Variants in UGT2B7 observed in about 807,000 individuals in gnomAD.
UGT2B7 encodes UDP-glucuronosyltransferase 2B7.
Under a neutral mutation model 51.9 loss-of-function variants are expected in UGT2B7, and 51 were observed. The ratio of observed to expected loss-of-function variants is 0.98; its 90% CI spans 0.78 to 1.24. The LOEUF is 1.24. Among genes scored for constraint, UGT2B7 ranks in the 50% most tolerant of loss-of-function variants. The pLI is 0.00. For synonymous variants in UGT2B7, 225 were observed against 211.6 expected, an observed-to-expected ratio of 1.06 and a Z score of -0.55; for missense variants, 727 against 628.4, an observed-to-expected ratio of 1.16 and a Z score of -1.68.
At chr4:69,055,131 G>C (rs1317484005) in intron 1 of UGT2B7, among the ~76,000 whole-genome samples, 1 of 95,034 alleles carries the variant, frequency 1.1e-5, no homozygotes. Flanking sequence ...AAAAAAGAAA[G>C]GTCCCCAAAA....
intron 4 of UGT2B7, among the ~76,000 whole-genome samples, chr4:69,107,507 A>G (rs1305771322): frequency 6.6e-6 from 1 of 152,170 alleles, no homozygotes; most frequent in Admixed American, 6.6e-5. Context: ...TATATCTCAC[A>G]AAATTTTTCA....
At chr4:69,087,511 T>C (rs919281833) in intron 1 of UGT2B7, among the ~76,000 whole-genome samples, 2 of 152,052 alleles carry the variant, frequency 1.3e-5, no homozygotes, top group Non-Finnish European at 2.9e-5. Context: ...TTTGTCTTTA[T>C]AATTGGTTTT....
chr4:69,058,817 A>G (rs1718276097), intron 1 of UGT2B7, among the ~76,000 whole-genome samples: 1 of 152,182 alleles, frequency 6.6e-6, no homozygotes, highest in Non-Finnish European at 1.5e-5. Context: ...GGCTGGCAGC[A>G]GCTCTCACAG....
chr4:69,061,356 G>T (rs1401314077), intron 1 of UGT2B7, among the ~76,000 whole-genome samples: 1 of 152,214 alleles, frequency 6.6e-6, no homozygotes, highest in Non-Finnish European at 1.5e-5. Context: ...TAGCAGTAAT[G>T]CACTGTAGGC....
chr4:69,095,151 C>T (rs1343469385), upstream of UGT2B7, among the ~76,000 whole-genome samples: 1 of 152,144 alleles, frequency 6.6e-6, no homozygotes, highest in South Asian at 2.1e-4. Context: ...TACACTGAGA[C>T]GTCAGATTTG....
intron 1 of UGT2B7, among the ~76,000 whole-genome samples, chr4:69,070,878 G>A (rs1196411616): frequency 1.3e-5 from 2 of 152,060 alleles, no homozygotes; most frequent in Admixed American, 6.6e-5. Context: ...AGTTCTTCAT[G>A]TTAAATAGAT....
intron 1 of UGT2B7, among the ~76,000 whole-genome samples, chr4:69,059,643 A>ACTGAGAGCAAC (rs149855137): frequency 9.9e-5 from 15 of 151,618 alleles, no homozygotes; most frequent in Admixed American, 1.3e-4. Flanking sequence ...TAGAGTTAAA[A>ACTGAGAGCAAC]TCCAGTTCAG....
chr4:69,109,608 T>C (rs1478291552), intron 5 of UGT2B7, among the ~76,000 whole-genome samples: 1 of 152,298 alleles, frequency 6.6e-6, no homozygotes, highest in Non-Finnish European at 1.5e-5. Flanking sequence ...GTTTAAGAAC[T>C]ATTTATATAT....
At chr4:69,086,673 T>C (rs1435306780) in intron 1 of UGT2B7, among the ~76,000 whole-genome samples, 1 of 151,954 alleles carries the variant, frequency 6.6e-6, no homozygotes. Context: ...TATGACCATA[T>C]ATATTTACAA....
In UGT2B7 at chr4:69,085,991, T is replaced by A. The variant is rs555358664; in HGVS notation, c.-158-3481T>A. ...TTGTCTTGTTGATTTTTAAATATTT[T>A]AAAAATCTCTATTTTTTCTCTATAA... On this transcript the variant is annotated intron_variant, in intron 1 of 5. Transcript: ENST00000502942. Among the ~76,000 whole-genome samples, 52 of 151,860 alleles carry A rather than the reference T, an allele frequency of 3.4e-4. No individual in the cohort carries two copies. The Middle Eastern group carries it at 0.01, about 30-fold the overall frequency.
chr4:69,107,405 G>A, intron 4 of UGT2B7, 143 bp downstream of exon 4: 1 of 966,832 alleles, frequency 1.0e-6, no homozygotes, highest in Non-Finnish European at 1.4e-6. Context: ...AGTCTTAAGG[G>A]AGAAAGAATA....
intron 1 of UGT2B7, among the ~76,000 whole-genome samples, chr4:69,080,783 T>C (rs1560504058): frequency 6.6e-6 from 1 of 152,126 alleles, no homozygotes; most frequent in Non-Finnish European, 1.5e-5. Context: ...ATGGAATATC[T>C]CTAATGGAGC....
At chr4:69,106,655 T>C (rs1235652887) in intron 3 of UGT2B7, among the ~76,000 whole-genome samples, 2 of 152,144 alleles carry the variant, frequency 1.3e-5, no homozygotes, top group Non-Finnish European at 2.9e-5. Flanking sequence ...TTTTTACCTC[T>C]AGGTTTTTGA....
At chr4:69,102,073 T>C (rs1318122013) in intron 2 of UGT2B7, among the ~76,000 whole-genome samples, 1 of 152,184 alleles carries the variant, frequency 6.6e-6, no homozygotes, top group African/African-American at 2.4e-5. Context: ...CATTCAACTA[T>C]GTAACTATAT....
rs761833298 is a variant in UGT2B7 at position 69,074,445 on chromosome 4, T to TATATATATATATATATATAA, written c.-158-15026_-158-15025insTATATATATATATATATAAA. 9.4e-4 allele frequency among the ~76,000 whole-genome samples: 100 copies of TATATATATATATATATATAA among 106,520 alleles called. 1 individual carries two copies. The highest frequency in any genetic ancestry group is 3.3e-3 in the African/African-American group (98 of 29,466). The allele number at this position is 106,520 out of a possible 152,430, so 69.9% of individuals were successfully genotyped here. Reference sequence around the variant, plus strand: ...TATCTTAAATATATATATATATATATAAATTAAAAATCAAAGTCTCATTCT... The same window carrying TATATATATATATATATATAA: ...TATCTTAAATATATATATATATATATATATATATATATATATATAAAAATTAAAAATCAAAGTCTCATTCT... On this transcript the variant is annotated intron_variant, in intron 1 of 5. Coordinates refer to the UGT2B7 transcript ENST00000502942.
chr4:69,051,584 T>C (rs1378687950), exon 1 of UGT2B7: 1 of 152,322 alleles, frequency 6.6e-6, no homozygotes, highest in East Asian at 1.9e-4. Context: ...GCACTTGGAG[T>C]CCAGACATCT....
Position 69,112,910 on chromosome 4 carries a change from C to T in UGT2B7, c.*174C>T, listed in dbSNP as rs142908027. 5 of 959,040 alleles carry T rather than the reference C, an allele frequency of 5.2e-6. No individual in the cohort carries two copies. In the East Asian group the frequency reaches 9.1e-5, roughly 17 times the overall value. The allele number at this position is 959,040 out of a possible 1,614,324, so 59.4% of individuals were successfully genotyped here. On this transcript the variant is annotated 3_prime_UTR_variant, in exon 6 of 6. Coordinates refer to ENST00000305231, the MANE Select transcript of UGT2B7 (RefSeq NM_001074.4). The stretch of plus-strand genomic sequence containing the variant: ...TAAAAATTTGTTTTTCAGAGATTTA[C>T]CACCCAGTTCATGGTTAGAAATATT...
intron 1 of UGT2B7, among the ~76,000 whole-genome samples, chr4:69,077,341 G>A (rs541870745): frequency 1.3e-5 from 2 of 152,134 alleles, no homozygotes; most frequent in East Asian, 3.9e-4. Flanking sequence ...ATAGCTTGAT[G>A]GCAATAGCAT....
intron 2 of UGT2B7, among the ~76,000 whole-genome samples, chr4:69,091,393 A>AT (rs1254921633): frequency 1.4e-5 from 2 of 144,674 alleles, no homozygotes; most frequent in Non-Finnish European, 3.0e-5. Context: ...AACTTTAAAG[A>AT]TTTTGTTTTT....
Sources: allele counts gnomAD v4.1 joint callset (sites outside exome capture counted in the v4.1 genomes callset), GRCh38; gene constraint gnomAD v4.1.1; transcripts MANE v1.5; gene names NCBI Gene and HGNC (gene_info 2026-07-23, HGNC 2026-07-21).